ANKRD30B: variants seen among roughly 807,000 people sequenced by gnomAD.
ANKRD30B encodes the protein ankyrin repeat domain-containing protein 30B.
ANKRD30B carries 144 observed loss-of-function variants against 202.2 expected under a neutral mutation model. The ratio of observed to expected loss-of-function variants is 0.71; its 90% CI spans 0.62 to 0.82. The LOEUF (loss-of-function observed/expected upper bound fraction) is 0.82. Among genes scored for constraint, ANKRD30B ranks in the 40% least tolerant of loss-of-function variants. ANKRD30B has a pLI of 0.00. For synonymous variants in ANKRD30B, 508 were observed against 561.3 expected (o/e 0.91, Z 1.34); for missense variants, 1,487 against 1,669.1 (o/e 0.89, Z 1.90).
In ANKRD30B at chr18:14,796,385, G is replaced by T; in HGVS notation, c.1897G>T (p.Glu633Ter). The T allele has an allele frequency of 1.9e-6, 3 of 1,560,896 alleles. No homozygotes were observed. Among genetic ancestry groups the T allele is most frequent in the Non-Finnish European group, 2.6e-6 (3 of 1,152,060 alleles). ...RKVSLPNKAL[E>*]LKDRETFKAE... ...AGTTTCTCTTCCAAATAAAGCCTTA[G>T]AATTAAAGGACAGAGAAACATTCAA... Residue 633 changes from glutamate (E) to a stop codon, truncating the protein, a stop_gained, in exon 18 of 44, where the codon GAA becomes TAA. Transcript: ENST00000690538. LOFTEE classifies it high-confidence loss of function.
chr18:14,920,494 G>C, the ANKRD30B span, among the ~76,000 whole-genome samples: 1 of 152,152 alleles, frequency 6.6e-6, no homozygotes, highest in African/African-American at 2.4e-5. Flanking sequence ...CTAAACAAAA[G>C]TTAAAGACTA....
At chr18:14,929,417 G>A in the ANKRD30B span, among the ~76,000 whole-genome samples, 1 of 152,078 alleles carries the variant, frequency 6.6e-6, no homozygotes, top group African/African-American at 2.4e-5. Context: ...TTCATAGGAG[G>A]TCTTCCCCAC....
the ANKRD30B span, among the ~76,000 whole-genome samples, chr18:14,897,773 C>A: frequency 6.6e-6 from 1 of 152,160 alleles, no homozygotes; most frequent in Non-Finnish European, 1.5e-5. Context: ...ACTCTGAAAT[C>A]TTTTCAAAGG....
At chr18:14,791,638 T>G (rs1968516962) in intron 16 of ANKRD30B, 147 bp downstream of exon 16, 3 of 628,984 alleles carry the variant, frequency 4.8e-6, no homozygotes, top group Non-Finnish European at 8.2e-6. Context: ...AAGTTATACG[T>G]CTTATCAGGT....
chr18:14,938,795 G>A, the ANKRD30B span, among the ~76,000 whole-genome samples: 26 of 152,332 alleles, frequency 1.7e-4, no homozygotes, highest in South Asian at 2.9e-3. Flanking sequence ...GTCTTGATGC[G>A]TGTGGGACTG....
the ANKRD30B span, among the ~76,000 whole-genome samples, chr18:14,881,238 T>A: frequency 1.3e-5 from 2 of 152,230 alleles, no homozygotes; most frequent in Non-Finnish European, 2.9e-5. Context: ...AGATGGCTTT[T>A]ATTACATTAA....
the ANKRD30B span, among the ~76,000 whole-genome samples, chr18:14,860,000 C>T: frequency 1.6e-5 from 2 of 124,834 alleles, no homozygotes; most frequent in African/African-American, 6.2e-5. Flanking sequence ...ACTTCCCAGA[C>T]AGGGTGGGAG....
chr18:14,894,291 G>A, the ANKRD30B span, among the ~76,000 whole-genome samples: 4 of 152,012 alleles, frequency 2.6e-5, no homozygotes, highest in Non-Finnish European at 5.9e-5. Flanking sequence ...AGAATTTTAG[G>A]TGTCCCTCTA....
intron 11 of ANKRD30B, among the ~76,000 whole-genome samples, chr18:14,781,809 G>C (rs1967770690): frequency 6.6e-6 from 1 of 152,162 alleles, no homozygotes; most frequent in African/African-American, 2.4e-5. Flanking sequence ...CAGCTAGTCA[G>C]ACTCGCATTT....
At chr18:14,790,105 T>C (rs917461829) in intron 15 of ANKRD30B, among the ~76,000 whole-genome samples, 7 of 152,140 alleles carry the variant, frequency 4.6e-5, no homozygotes, top group South Asian at 2.1e-4. Flanking sequence ...AGGTCCTTCA[T>C]GTCCCTTGTA....
In ANKRD30B at chr18:14,748,532, A is replaced by T; in HGVS notation, c.113A>T (p.Asp38Val). ...GACTACGGGACCATCTACTTCGGGGATCTAGGGAAGATCCATACAGCTGCC... is the reference window on the plus strand; with the variant it reads ...GACTACGGGACCATCTACTTCGGGGTTCTAGGGAAGATCCATACAGCTGCC... ...EKDYGTIYFG[D>V]LGKIHTAASR... is the part of the protein sequence containing the mutation. The change falls in exon 1 of 44, where the codon GAT (aspartate) becomes GTT (valine). Residue 38 changes from aspartate to valine, a missense_variant. This residue lies in a region of ANKRD30B where 889 missense variants were observed against 841.4 expected (regional missense o/e 1.06). Transcript: ENST00000690538. 6.4e-7 allele frequency: 1 copy of T among 1,553,434 alleles called. No homozygotes were observed. Among genetic ancestry groups the T allele is most frequent in the South Asian group, 1.2e-5 (1 of 84,130 alleles).
chr18:14,910,484 AATAT>A, the ANKRD30B span, among the ~76,000 whole-genome samples: 16 of 147,620 alleles, frequency 1.1e-4, no homozygotes, highest in African/African-American at 4.0e-4. Context: ...ACAATGTAAA[AATAT>A]ATATATATAT....
the ANKRD30B span, among the ~76,000 whole-genome samples, chr18:14,939,836 G>C: frequency 2.0e-5 from 3 of 152,372 alleles, no homozygotes; most frequent in Admixed American, 6.5e-5. Flanking sequence ...GGCATAGCAC[G>C]TGGAGGGACT....
Position 14,848,760 on chromosome 18 carries a change from G to A in ANKRD30B, c.3226G>A (p.Glu1076Lys). 6.4e-7 allele frequency: 1 copy of A among 1,568,292 alleles called. No individual in the cohort carries two copies. ...AATCTTGGATGCACTTCCTTCTTGT[G>A]AAAGAGGAAGGGAACTTAAAAAAGA... ...SKILDALPSC[E>K]RGRELKKDNC... The change falls in exon 40 of 44, where the codon GAA (glutamate) becomes AAA (lysine). Residue 1076 changes from glutamate (E) to lysine (K), a missense_variant. Glu to Lys is a moderately conservative substitution (Grantham distance 56). Transcript: ENST00000690538.
intron 22 of ANKRD30B, 128 bp downstream of exon 22, chr18:14,799,423 G>A (rs1969166912): frequency 3.1e-6 from 3 of 973,180 alleles, no homozygotes; most frequent in Admixed American, 3.1e-5. Context: ...TAAAATAATG[G>A]CAACATTAGT....
chr18:14,810,241 G>A (rs1282725531), intron 28 of ANKRD30B, 61 bp downstream of exon 28: 5 of 1,059,844 alleles, frequency 4.7e-6, no homozygotes, highest in Non-Finnish European at 5.3e-6. Context: ...TTGAAATGCT[G>A]AGAGCCTTTT....
the ANKRD30B span, among the ~76,000 whole-genome samples, chr18:14,886,017 A>C: frequency 6.6e-6 from 1 of 152,026 alleles, no homozygotes; most frequent in Non-Finnish European, 1.5e-5. Flanking sequence ...GGTGAATAGG[A>C]ATCTGAATTG....
chr18:14,772,869 C>G (rs932401849), intron 9 of ANKRD30B, among the ~76,000 whole-genome samples: 2 of 152,060 alleles, frequency 1.3e-5, no homozygotes, highest in African/African-American at 4.8e-5. Flanking sequence ...GTAGTTCCAG[C>G]TACCAGGGAG....
chr18:14,759,245 G>C (rs9797421), intron 5 of ANKRD30B: 57,626 of 152,016 alleles, frequency 0.38, 11,920 homozygotes, highest in East Asian at 0.55. Context: ...AGGTTAGCAA[G>C]GTCCCTGCAC....
Sources: allele counts gnomAD v4.1 joint callset (sites outside exome capture counted in the v4.1 genomes callset), GRCh38; gene constraint gnomAD v4.1.1; regional missense constraint gnomAD v4.1.1; transcripts MANE v1.5; gene names NCBI Gene and HGNC (gene_info 2026-07-23, HGNC 2026-07-21).